Variants in SAMD5 observed in about 807,000 individuals in gnomAD.
SAMD5 encodes the protein sterile alpha motif domain containing 5.
In SAMD5, 13 loss-of-function variants were observed where a neutral mutation model predicts 11.3. The observed-to-expected ratio is 1.15, with a 90% CI of 0.75 to 1.83. The LOEUF is 1.83. SAMD5 is among the 40% of genes most tolerant of loss of function. The pLI is 0.00. For synonymous variants in SAMD5, 129 were observed against 111.3 expected, an observed-to-expected ratio of 1.16 and a Z score of -1.00; for missense variants, 255 against 239.1, an observed-to-expected ratio of 1.07 and a Z score of -0.44.
At chr6:147,943,317 C>T in the SAMD5 span, among the ~76,000 whole-genome samples, 1 of 152,170 alleles carries the variant, frequency 6.6e-6, no homozygotes, top group Non-Finnish European at 1.5e-5. Context: ...CTGTATCTTT[C>T]CTGCTCATTA....
chr6:147,924,350 T>C, the SAMD5 span, among the ~76,000 whole-genome samples: 15 of 152,254 alleles, frequency 9.9e-5, no homozygotes, highest in Admixed American at 2.6e-4. Context: ...AATTCAACAG[T>C]AATGAGTAGG....
chr6:147,953,747 C>T, the SAMD5 span: 1 of 152,080 alleles, frequency 6.6e-6, no homozygotes, highest in Admixed American at 6.6e-5. Flanking sequence ...TAAAAGTTTT[C>T]AAATATGGGT....
chr6:147,685,680 G>T (rs1583138940), intron 1 of SAMD5, among the ~76,000 whole-genome samples: 1 of 152,094 alleles, frequency 6.6e-6, no homozygotes, highest in Non-Finnish European at 1.5e-5. Context: ...GTTAAATTTT[G>T]ATTGTACTTC....
At chr6:147,651,359 T>C (rs1023521508) in intron 1 of SAMD5, among the ~76,000 whole-genome samples, 3 of 152,198 alleles carry the variant, frequency 2.0e-5, no homozygotes, top group Admixed American at 1.3e-4. Flanking sequence ...CTTTAACATA[T>C]GATTTTCCCT....
the SAMD5 span, among the ~76,000 whole-genome samples, chr6:147,856,827 G>GTT: frequency 6.8e-6 from 1 of 147,348 alleles, no homozygotes; most frequent in African/African-American, 2.5e-5. Context: ...GGCGCGGGGG[G>GTT]GGGGGGAAGC....
At chr6:147,819,955 A>C in the SAMD5 span, among the ~76,000 whole-genome samples, 2 of 152,170 alleles carry the variant, frequency 1.3e-5, no homozygotes, top group Non-Finnish European at 2.9e-5. Flanking sequence ...AGAAAGGGGA[A>C]CCAGGAGGCT....
chr6:147,899,714 G>A, the SAMD5 span, among the ~76,000 whole-genome samples: 1 of 152,072 alleles, frequency 6.6e-6, no homozygotes, highest in East Asian at 1.9e-4. Context: ...CTAATTTCAG[G>A]GTTTCTGGGA....
At chr6:147,685,571 G>C (rs549901222) in intron 1 of SAMD5, among the ~76,000 whole-genome samples, 2 of 151,918 alleles carry the variant, frequency 1.3e-5, no homozygotes, top group African/African-American at 4.8e-5. Context: ...GGATAACTTT[G>C]CCTTCTTGGA....
intron 1 of SAMD5, among the ~76,000 whole-genome samples, chr6:147,626,600 T>C (rs1209239003): frequency 6.6e-6 from 1 of 151,872 alleles, no homozygotes; most frequent in African/African-American, 2.4e-5. Flanking sequence ...GAAATAATAT[T>C]GGTACCTACC....
At chr6:147,800,152 T>G in the SAMD5 span, among the ~76,000 whole-genome samples, 8 of 152,212 alleles carry the variant, frequency 5.3e-5, no homozygotes, top group Non-Finnish European at 8.8e-5. Flanking sequence ...ACTCTGATTT[T>G]TAGAGTTTCC....
the SAMD5 span, among the ~76,000 whole-genome samples, chr6:147,762,225 AG>A: frequency 1.3e-5 from 2 of 152,008 alleles, no homozygotes; most frequent in Admixed American, 6.6e-5. Context: ...TATTTTTTGG[AG>A]ACACGGTCTC....
chr6:147,925,176 G>A, the SAMD5 span, among the ~76,000 whole-genome samples: 1 of 152,132 alleles, frequency 6.6e-6, no homozygotes, highest in African/African-American at 2.4e-5. Context: ...CACGAGGGTG[G>A]AGCCCTTATG....
the SAMD5 span, among the ~76,000 whole-genome samples, chr6:147,805,968 T>G: frequency 3.9e-5 from 6 of 152,234 alleles, no homozygotes; most frequent in South Asian, 1.2e-3. Flanking sequence ...CTCTAGGTTT[T>G]GTTATTATGA....
At chr6:147,786,602 A>G in the SAMD5 span, among the ~76,000 whole-genome samples, 3 of 152,230 alleles carry the variant, frequency 2.0e-5, no homozygotes, top group African/African-American at 7.2e-5. Context: ...TACTTACTTA[A>G]AGGACAGGGG....
At chr6:147,772,524 T>C in the SAMD5 span, among the ~76,000 whole-genome samples, 4 of 152,172 alleles carry the variant, frequency 2.6e-5, no homozygotes, top group Non-Finnish European at 5.9e-5. Context: ...GAGATCTATT[T>C]CCTCACTGTT....
At chr6:147,948,296 A>T in the SAMD5 span, among the ~76,000 whole-genome samples, 1 of 150,766 alleles carries the variant, frequency 6.6e-6, no homozygotes, top group Non-Finnish European at 1.5e-5. Context: ...AAAAAACACG[A>T]ATCATTTGAT....
At chr6:147,788,380 A>C in the SAMD5 span, among the ~76,000 whole-genome samples, 3 of 152,334 alleles carry the variant, frequency 2.0e-5, no homozygotes, top group African/African-American at 4.8e-5. Flanking sequence ...CATCATATAC[A>C]TGAACTTGAA....
At chr6:147,786,569 A>C in the SAMD5 span, among the ~76,000 whole-genome samples, 4 of 152,356 alleles carry the variant, frequency 2.6e-5, no homozygotes, top group African/African-American at 7.2e-5. Flanking sequence ...CATCAGTCAA[A>C]GTATGTATTT....
the SAMD5 span, among the ~76,000 whole-genome samples, chr6:147,952,550 AC>A: frequency 6.6e-6 from 1 of 152,234 alleles, no homozygotes; most frequent in Non-Finnish European, 1.5e-5. Flanking sequence ...TCGCTCTGTC[AC>A]CCAGGCTGGA....
Sources: allele counts gnomAD v4.1 joint callset (sites outside exome capture counted in the v4.1 genomes callset), GRCh38; gene constraint gnomAD v4.1.1; transcripts MANE v1.5; gene names NCBI Gene and HGNC (gene_info 2026-07-23, HGNC 2026-07-21).